The following SYNE2 variants were observed in gnomAD, a reference collection of about 807,000 sequenced individuals.
SYNE2 encodes the protein spectrin repeat containing nuclear envelope protein 2, also known as nesprin-2.
Under a neutral mutation model 856.3 loss-of-function variants are expected in SYNE2, and 431 were observed. The observed-to-expected ratio is 0.50, with a 90% CI of 0.47 to 0.55. The LOEUF is 0.55. SYNE2 is among the 20% of genes least tolerant of loss of function. The pLI is 0.00. For missense variants in SYNE2, 8,129 were observed against 8,023.2 expected (o/e 1.01, Z -0.50); for synonymous variants, 2,923 against 2,872.3 (o/e 1.02, Z -0.56).
chr14:64,080,960 AGT>A (rs2097517548), intron 56 of SYNE2, among the ~76,000 whole-genome samples: 1 of 152,192 alleles, frequency 6.6e-6, no homozygotes, highest in Non-Finnish European at 1.5e-5. Context: ...TCAGGAGTCT[AGT>A]AAGGGAGACA....
At chr14:64,185,787 C>T (rs560157573) in intron 96 of SYNE2, among the ~76,000 whole-genome samples, 3 of 152,242 alleles carry the variant, frequency 2.0e-5, no homozygotes, top group South Asian at 2.1e-4. Flanking sequence ...TTCCAAAGTG[C>T]TGGGATTACA....
At chr14:63,763,991 A>G (rs370030476) in intron 1 of SYNE2, among the ~76,000 whole-genome samples, 8 of 152,208 alleles carry the variant, frequency 5.3e-5, no homozygotes, top group African/African-American at 1.7e-4. Context: ...TCATATTTTA[A>G]TTTACAACTG....
intron 96 of SYNE2, among the ~76,000 whole-genome samples, chr14:64,183,638 G>A (rs990754634): frequency 3.3e-5 from 5 of 152,208 alleles, no homozygotes; most frequent in Admixed American, 2.6e-4. Context: ...TGAGCACTGA[G>A]TGAACGAGAC....
At chr14:63,896,165 A>G (rs557042349) in intron 1 of SYNE2, among the ~76,000 whole-genome samples, 1 of 152,344 alleles carries the variant, frequency 6.6e-6, no homozygotes, top group East Asian at 1.9e-4. Flanking sequence ...AATTAAAAGA[A>G]TAGATGCCTA....
At chr14:64,141,280 C>A in intron 80 of SYNE2, 61 bp from the exon 81 acceptor site, 1 of 1,390,450 alleles carries the variant, frequency 7.2e-7, no homozygotes, top group Non-Finnish European at 1.0e-6. Context: ...CCAGTTATTC[C>A]GACTCTTACT....
intron 10 of SYNE2, among the ~76,000 whole-genome samples, chr14:63,967,154 G>A (rs767932560): frequency 6.6e-6 from 1 of 152,114 alleles, no homozygotes; most frequent in Non-Finnish European, 1.5e-5. Flanking sequence ...ATGAGCCACC[G>A]CGCCTGGCCT....
chr14:63,929,739 C>G (rs1405984990), intron 2 of SYNE2, among the ~76,000 whole-genome samples: 1 of 150,238 alleles, frequency 6.7e-6, no homozygotes, highest in Non-Finnish European at 1.5e-5. Context: ...CCGTTGCACT[C>G]TGGCCTGGGC....
At chr14:63,809,603 G>A (rs1888535205) in intron 1 of SYNE2, among the ~76,000 whole-genome samples, 1 of 152,096 alleles carries the variant, frequency 6.6e-6, no homozygotes, top group African/African-American at 2.4e-5. Flanking sequence ...AGGCTCCAGC[G>A]ATGCTCCTGC....
intron 99 of SYNE2, among the ~76,000 whole-genome samples, chr14:64,192,859 C>G (rs2098524569): frequency 6.6e-6 from 1 of 152,140 alleles, no homozygotes; most frequent in Non-Finnish European, 1.5e-5. Flanking sequence ...CCCTTCAGCA[C>G]TAAGGAATTT....
chr14:63,917,497 T>G (rs1245348500), intron 2 of SYNE2, among the ~76,000 whole-genome samples: 1 of 152,188 alleles, frequency 6.6e-6, no homozygotes, highest in Non-Finnish European at 1.5e-5. Flanking sequence ...TGAGACGGAA[T>G]TTCACTCTTA....
rs71120288 is a variant in SYNE2, at chr14:63,807,819, TTATATATATATATATATATATATA to T, written c.-304-44659_-304-44636del. On this transcript the variant is annotated intron_variant, in intron 1 of 23. Coordinates refer to the SYNE2 transcript ENST00000674003. ...ACAGGCATGAACTACTACTCCAGGC[TTATATATATATATATATATATATA>T]TATATATATATATATATATATAATT... is the stretch of plus-strand genomic sequence containing the variant. Among the ~76,000 whole-genome samples the T allele has an allele frequency of 3.0e-3, 76 of 25,478 alleles. 3 individuals carry two copies. Among genetic ancestry groups the T allele is most frequent in the East Asian group, 0.014 (4 of 282 alleles). The allele number at this position is 25,478 out of a possible 152,430, so 16.7% of individuals were successfully genotyped here.
chr14:64,121,059 C>G lies in SYNE2; in HGVS notation c.13156C>G (p.Gln4386Glu), dbSNP rs140277551. The G allele has an allele frequency of 3.6e-4, 582 of 1,613,870 alleles. No individual in the cohort carries two copies. The highest frequency in any genetic ancestry group is 4.3e-4 in the Non-Finnish European group (513 of 1,179,926). Residue 4386 changes from glutamine (Q) to glutamate (E), a missense_variant and splice_region_variant, in exon 68 of 116, where the codon CAG becomes GAG. Gln to Glu is a conservative substitution (Grantham distance 29). This residue lies in a region of SYNE2 where 5,410 missense variants were observed against 5,284.8 expected (regional missense o/e 1.02). Transcript: ENST00000555002. ...CAGACAAAAAGATTTCCAGCAGCAA[C>G]AGGTAATTCTAGCCCCCAACAGTTG... Reference protein sequence around the residue: ...FSRQKDFQQQQVLELKPMEQK... With the variant: ...FSRQKDFQQQEVLELKPMEQK...
chr14:63,904,609 A>G (rs145527185), intron 1 of SYNE2, among the ~76,000 whole-genome samples: 83 of 152,202 alleles, frequency 5.5e-4, no homozygotes, highest in African/African-American at 1.8e-3. Context: ...GGCCACTTCT[A>G]AGTCTCCTTT....
intron 99 of SYNE2, among the ~76,000 whole-genome samples, chr14:64,193,996 G>A (rs1465032832): frequency 6.6e-6 from 1 of 152,176 alleles, no homozygotes; most frequent in Admixed American, 6.5e-5. Context: ...CCTGGTGTGG[G>A]TATAAAGAGG....
intron 1 of SYNE2, among the ~76,000 whole-genome samples, chr14:63,770,627 C>A (rs193079997): frequency 9.4e-4 from 143 of 152,158 alleles, no homozygotes; most frequent in Non-Finnish European, 1.4e-3. Flanking sequence ...TAGTGAGACA[C>A]TGTTTTTACC....
chr14:63,820,266 C>T (rs1026647355), intron 1 of SYNE2, among the ~76,000 whole-genome samples: 1 of 152,080 alleles, frequency 6.6e-6, no homozygotes, highest in African/African-American at 2.4e-5. Context: ...TAAACCCATA[C>T]ATATATGGTC....
intron 82 of SYNE2, among the ~76,000 whole-genome samples, chr14:64,143,558 G>A (rs2098157401): frequency 6.6e-6 from 1 of 152,148 alleles, no homozygotes; most frequent in South Asian, 2.1e-4. Context: ...CAGCCTATTT[G>A]AAAGCAGTGC....
chr14:63,995,874 A>G (rs532471500), intron 23 of SYNE2, among the ~76,000 whole-genome samples: 1 of 152,112 alleles, frequency 6.6e-6, no homozygotes, highest in African/African-American at 2.4e-5. Flanking sequence ...TATTCTATTA[A>G]TGTTTTGCTT....
intron 1 of SYNE2, among the ~76,000 whole-genome samples, chr14:63,777,767 T>A (rs1426877387): frequency 6.6e-6 from 1 of 152,046 alleles, no homozygotes; most frequent in Non-Finnish European, 1.5e-5. Context: ...CTCCTGGGCC[T>A]AAGGGATCCT....
Sources: gnomAD v4.1 joint callset for allele counts (sites outside exome capture counted in the v4.1 genomes callset) on GRCh38, gnomAD v4.1.1 for gene constraint, gnomAD v4.1.1 regional missense constraint, MANE v1.5 for transcripts, NCBI Gene and HGNC (gene_info 2026-07-23, HGNC 2026-07-21) for gene names.